Variants in ZNF462 observed in about 807,000 individuals in gnomAD.
ZNF462 encodes the protein zinc finger PBX1-interacting protein.
A neutral mutation model predicts 201.9 loss-of-function variants in ZNF462; 10 were observed. That is an observed-to-expected ratio of 0.05 (90% CI 0.03 to 0.08). The LOEUF (loss-of-function observed/expected upper bound fraction) is 0.08, where lower values mean the gene tolerates loss of function less well. Ranked by LOEUF, ZNF462 falls within the 10% of genes least tolerant of loss-of-function variation. The pLI, the probability that ZNF462 is intolerant of heterozygous loss-of-function variation, is 1.00. For missense variants in ZNF462, 2,523 were observed against 3,168.3 expected (o/e 0.80, Z 4.89); for synonymous variants, 1,227 against 1,193.3 (o/e 1.03, Z -0.58).
At chr9:106,991,060 G>C (rs1828238658) in intron 10 of ZNF462, among the ~76,000 whole-genome samples, 2 of 151,808 alleles carry the variant, frequency 1.3e-5, no homozygotes, top group Admixed American at 6.6e-5. Flanking sequence ...AAAAGTCAAG[G>C]ACCATAATGC....
intron 9 of ZNF462, chr9:106,975,853 G>A (rs1826960556): frequency 6.6e-6 from 1 of 152,180 alleles, no homozygotes; most frequent in Non-Finnish European, 1.5e-5. Flanking sequence ...AAGAAAGGGG[G>A]AAGCAAAGAG....
Position 106,949,383 on chromosome 9 carries a change from A to T in ZNF462, c.6427+10276A>T, listed in dbSNP as rs1257496338. On this transcript the variant is annotated intron_variant, in intron 7 of 12. Transcript: ENST00000277225. ...ACAAGGAAAGCCAAGAGAACAATTT[A>T]TGTGTGAACAAGCCTGGGAATCTGG... 2.0e-5 allele frequency among the ~76,000 whole-genome samples: 3 copies of T among 152,216 alleles called. No homozygotes were observed. In the East Asian group the frequency reaches 5.8e-4, roughly 29 times the overall value.
chr9:106,928,264 C>T lies in ZNF462; in HGVS notation c.4352C>T (p.Ser1451Phe). Residue 1451 changes from serine (S) to phenylalanine (F), a missense_variant, in exon 3 of 13, where the codon TCC becomes TTC. Around this residue, in one of 15 missense-constraint regions of ZNF462, gnomAD observed 165 missense variants for 142.6 expected, o/e 1.16. Transcript: ENST00000277225. This position sits in a 1 kb window ranked among gnomAD's most constrained non-coding sequence, Gnocchi z 9.3. ...EAECPEDARLSPEKSLQLASA... is the reference protein window; with the variant it reads ...EAECPEDARLFPEKSLQLASA... ...GAATGTCCAGAGGATGCAAGACTGT[C>T]CCCTGAGAAAAGCCTGCAGCTAGCT... The T allele has an allele frequency of 6.2e-7, 1 of 1,614,022 alleles. No homozygotes were observed. The highest frequency in any genetic ancestry group is 8.5e-7 in the Non-Finnish European group (1 of 1,179,976).
intron 1 of ZNF462, among the ~76,000 whole-genome samples, chr9:106,873,156 G>A (rs1281132689): frequency 2.0e-5 from 3 of 152,118 alleles, no homozygotes; most frequent in Non-Finnish European, 4.4e-5. Context: ...GTATATCCTT[G>A]GAGTTCTAGA....
At chr9:106,990,716 A>G (rs1205431898) in intron 10 of ZNF462, among the ~76,000 whole-genome samples, 1 of 151,970 alleles carries the variant, frequency 6.6e-6, no homozygotes. Flanking sequence ...AATGATTCTC[A>G]TGTTTGTCTC....
chr9:106,954,656 GTCCCCTTTCCTTCATC>G lies in ZNF462; in HGVS notation c.6427+15553_6427+15568del, dbSNP rs1214269173. ...ATCCTTTTGCCTTTGTTCATGTTATGTCCCCTTTCCTTCATCTCCACATGCCCAGGTACTACCTGTC... is the reference window on the plus strand; with the variant it reads ...ATCCTTTTGCCTTTGTTCATGTTATGTCCACATGCCCAGGTACTACCTGTC... On this transcript the variant is annotated intron_variant, in intron 7 of 12. Coordinates refer to ENST00000277225, the MANE Select transcript of ZNF462 (RefSeq NM_021224.6). This position sits in a 1 kb window ranked among gnomAD's most constrained non-coding sequence, Gnocchi z 4.0. Among the ~76,000 whole-genome samples, 1 of 151,804 alleles carries G rather than the reference GTCCCCTTTCCTTCATC, an allele frequency of 6.6e-6. No homozygotes were observed. The highest frequency in any genetic ancestry group is 1.5e-5 in the Non-Finnish European group (1 of 67,996).
intron 1 of ZNF462, among the ~76,000 whole-genome samples, chr9:106,869,012 T>C (rs756345840): frequency 2.6e-5 from 4 of 152,212 alleles, no homozygotes; most frequent in African/African-American, 7.2e-5. Context: ...GCTGTACTTT[T>C]CTTTTCATCT....
In ZNF462 at chr9:106,925,256, C is replaced by T. The variant is rs1156987174; in HGVS notation, c.1344C>T (p.Thr448=). 10 of 1,614,026 alleles carry T rather than the reference C, an allele frequency of 6.2e-6. No homozygotes were observed. In the Admixed American group the frequency reaches 1.0e-4, roughly 16 times the overall value. The part of the protein sequence containing the change: ...RFQCPFCPFL[T]MHRRSISRHI... The stretch of plus-strand genomic sequence containing the variant: ...AGTGCCCCTTTTGTCCTTTCCTCAC[C>T]ATGCATCGACGTAGCATCTCTCGTC... The change falls in exon 3 of 13, where the codon ACC becomes ACT. Residue 448 remains threonine, a synonymous_variant. Coordinates refer to ENST00000277225, the MANE Select transcript of ZNF462 (RefSeq NM_021224.6). This position sits in a 1 kb window ranked among gnomAD's most constrained non-coding sequence, Gnocchi z 7.9.
rs1271280072 is a variant in ZNF462, at chr9:106,927,571, A to C, written c.3659A>C (p.Lys1220Thr). 4 of 1,613,726 alleles carry C rather than the reference A, an allele frequency of 2.5e-6. No individual in the cohort carries two copies. The highest frequency in any genetic ancestry group is 3.4e-6 in the Non-Finnish European group (4 of 1,179,928). Residue 1220 changes from lysine to threonine, a missense_variant, in exon 3 of 13, where the codon AAG (lysine) becomes ACG (threonine). Transcript: ENST00000277225. ...TATCAGAAGAAGCACCGAGACTTCAAGGCCAATGCAGATGTGATCCGGCAG... is the reference window on the plus strand; with the variant it reads ...TATCAGAAGAAGCACCGAGACTTCACGGCCAATGCAGATGTGATCCGGCAG... ...IHYQKKHRDF[K>T]ANADVIRQHT...
At chr9:106,953,199 C>G (rs899599339) in intron 7 of ZNF462, among the ~76,000 whole-genome samples, 2 of 152,186 alleles carry the variant, frequency 1.3e-5, no homozygotes, top group African/African-American at 4.8e-5. Flanking sequence ...ACTCAGTGTT[C>G]TGCCTTCAGC....
chr9:106,993,431 T>A lies in ZNF462; in HGVS notation c.7056+9022T>A, dbSNP rs1029298627. ...ATTTTATAGGTGATAAACACAATCT[T>A]TCCTCCTAGATCTTTATCTTTGTTA... On this transcript the variant is annotated intron_variant, in intron 10 of 12. Transcript: ENST00000277225. This position sits in a 1 kb window ranked among gnomAD's most constrained non-coding sequence, Gnocchi z 4.0. Among the ~76,000 whole-genome samples the A allele has an allele frequency of 9.2e-5, 14 of 152,268 alleles. No homozygotes were observed. The South Asian group carries it at 1.2e-3, about 14-fold the overall frequency.
Position 106,939,079 on chromosome 9 carries a change from C to G in ZNF462, c.6399C>G (p.Thr2133=). 1 of 1,610,122 alleles carries G rather than the reference C, an allele frequency of 6.2e-7. No homozygotes were observed. Among genetic ancestry groups the G allele is most frequent in the African/African-American group, 1.3e-5 (1 of 74,880 alleles). ...CCCACCACTCCTCCCAAAAAGCTAC[C>G]CCGGCTGAAGAAGTGGAAGACTCCA... ...SHSHHSSQKA[T]PAEEVEDSND... The change falls in exon 7 of 13, where the codon ACC becomes ACG. Residue 2133 remains threonine (T), a synonymous_variant. Transcript: ENST00000277225.
chr9:106,973,423 T>C (rs137915969), intron 8 of ZNF462, among the ~76,000 whole-genome samples: 2 of 152,270 alleles, frequency 1.3e-5, no homozygotes, highest in Non-Finnish European at 2.9e-5. Context: ...TTCAGATAAA[T>C]ACATTTGTGA....
In ZNF462 at chr9:106,905,362, T is replaced by C. The variant is rs117356248; in HGVS notation, c.-30-17992T>C. ...AATGGACTCTCTGAGGGTCCTTAGC[T>C]TTGGTGATTTAATGGTCTATTTTTG... On this transcript the variant is annotated intron_variant, in intron 1 of 12. Coordinates refer to ENST00000277225, the MANE Select transcript of ZNF462 (RefSeq NM_021224.6). This position sits in a 1 kb window ranked among gnomAD's most constrained non-coding sequence, Gnocchi z 5.9. 7.2e-3 allele frequency among the ~76,000 whole-genome samples: 1,090 copies of C among 152,180 alleles called. 9 individuals carry two copies. Among genetic ancestry groups the C allele is most frequent in the Non-Finnish European group, 0.012 (845 of 68,002 alleles).
In ZNF462 at chr9:106,933,465, G is replaced by T. The variant is rs1564114896; in HGVS notation, c.6116+916G>T. The stretch of plus-strand genomic sequence containing the variant: ...TAAAACTTGAAATACTTCAATTCAA[G>T]AAGTATTTATTGAACAGCATCTATC... On this transcript the variant is annotated intron_variant, in intron 5 of 12. Transcript: ENST00000277225. This position sits in a 1 kb window ranked among gnomAD's most constrained non-coding sequence, Gnocchi z 4.3. Among the ~76,000 whole-genome samples, 1 of 152,088 alleles carries T rather than the reference G, an allele frequency of 6.6e-6. No individual in the cohort carries two copies. The highest frequency in any genetic ancestry group is 6.5e-5 in the Admixed American group (1 of 15,278).
At chr9:106,909,677 T>G (rs1217094536) in intron 1 of ZNF462, among the ~76,000 whole-genome samples, 1 of 152,214 alleles carries the variant, frequency 6.6e-6, no homozygotes, top group East Asian at 1.9e-4. Flanking sequence ...CAGACACAGC[T>G]TCACTTTTTT....
Position 106,890,243 on chromosome 9 carries a change from T to C in ZNF462, c.-31+26888T>C, listed in dbSNP as rs949061577. On this transcript the variant is annotated intron_variant, in intron 1 of 12. Transcript: ENST00000277225. This position sits in a 1 kb window ranked among gnomAD's most constrained non-coding sequence, Gnocchi z 4.2. Reference sequence around the variant, plus strand: ...GACTGAGCTGTGTATGGCCTCACTCTTCAATTCTGTTGTCAGCCTATGTTC... The same window carrying C: ...GACTGAGCTGTGTATGGCCTCACTCCTCAATTCTGTTGTCAGCCTATGTTC... 6.6e-6 allele frequency among the ~76,000 whole-genome samples: 1 copy of C among 152,248 alleles called. No homozygotes were observed. The highest frequency in any genetic ancestry group is 1.5e-5 in the Non-Finnish European group (1 of 68,042).
rs779010729 is a variant in ZNF462 at position 106,870,696 on chromosome 9, G to A, written c.-31+7341G>A. ...AAGCATTTGCCCAAGATGAGGAAGC[G>A]AAGTCTTACCTTTGGGTTCAGCTTG... On this transcript the variant is annotated intron_variant, in intron 1 of 12. Coordinates refer to ENST00000277225, the MANE Select transcript of ZNF462 (RefSeq NM_021224.6). This position sits in a 1 kb window ranked among gnomAD's most constrained non-coding sequence, Gnocchi z 4.3. 2.6e-5 allele frequency among the ~76,000 whole-genome samples: 4 copies of A among 152,120 alleles called. No individual in the cohort carries two copies. Among genetic ancestry groups the A allele is most frequent in the Non-Finnish European group, 5.9e-5 (4 of 68,030 alleles).
In ZNF462 at chr9:106,938,762, G is replaced by A. The variant is rs1411713823; in HGVS notation, c.6236-154G>A. Among the ~76,000 whole-genome samples, 1 of 152,214 alleles carries A rather than the reference G, an allele frequency of 6.6e-6. No individual in the cohort carries two copies. Among genetic ancestry groups the A allele is most frequent in the African/African-American group, 2.4e-5 (1 of 41,454 alleles). ...ACTCCAAAGGAGTACTGTGGTTGTG[G>A]CAGGTTGTTGGTCTGTGAGGTTCGT... On this transcript the variant is annotated intron_variant, in intron 6 of 12. Coordinates refer to ENST00000277225, the MANE Select transcript of ZNF462 (RefSeq NM_021224.6). The surrounding 1 kb of genome is among the most constrained non-coding windows in gnomAD (Gnocchi z 4.4).
Sources: allele counts gnomAD v4.1 joint callset (sites outside exome capture counted in the v4.1 genomes callset), GRCh38; gene constraint gnomAD v4.1.1; regional missense constraint gnomAD v4.1.1; non-coding constraint Gnocchi (gnomAD v3.1); transcripts MANE v1.5; gene names NCBI Gene and HGNC (gene_info 2026-07-23, HGNC 2026-07-21).